Variants in CCDC77 observed in about 807,000 individuals in gnomAD.
CCDC77 encodes coiled-coil domain-containing protein 77.
A neutral mutation model predicts 66.8 loss-of-function variants in CCDC77; 56 were observed. The observed-to-expected ratio is 0.84, with a 90% CI of 0.68 to 1.05. CCDC77 has a LOEUF of 1.05. Among genes scored for constraint, CCDC77 ranks in the 50% least tolerant of loss-of-function variants. The probability of loss-of-function intolerance (pLI) is 0.00; values close to 1 mark genes in which losing one functional copy is unlikely to be tolerated. For missense variants in CCDC77, 570 were observed against 576.8 expected (o/e 0.99, Z 0.12); for synonymous variants, 196 against 195.2 (o/e 1.00, Z -0.03).
chr12:395,478 C>T (rs1057022855), intron 1 of CCDC77, among the ~76,000 whole-genome samples: 2 of 152,112 alleles, frequency 1.3e-5, no homozygotes, highest in Non-Finnish European at 2.9e-5. Flanking sequence ...TTACAGCTAG[C>T]CTTCCATATA....
At chr12:410,489 A>T (rs915477443) in intron 3 of CCDC77, among the ~76,000 whole-genome samples, 11 of 148,970 alleles carry the variant, frequency 7.4e-5, no homozygotes, top group African/African-American at 2.7e-4. Flanking sequence ...GTTGGTCTTG[A>T]ACTCCTGACC....
At chr12:439,688 G>A (rs1472895957) in intron 10 of CCDC77, among the ~76,000 whole-genome samples, 1 of 151,820 alleles carries the variant, frequency 6.6e-6, no homozygotes, top group African/African-American at 2.4e-5. Flanking sequence ...GCTGAGGCAG[G>A]AGAATTGCTT....
intron 2 of CCDC77, among the ~76,000 whole-genome samples, chr12:408,895 G>A (rs1209484396): frequency 6.6e-6 from 1 of 152,078 alleles, no homozygotes; most frequent in Non-Finnish European, 1.5e-5. Context: ...TTCAGGATTT[G>A]GAGATACTTT....
At chr12:418,727 T>G in intron 5 of CCDC77, 91 bp downstream of exon 5, 1 of 1,394,410 alleles carries the variant, frequency 7.2e-7, no homozygotes, top group Non-Finnish European at 1.0e-6. Context: ...TTAGAGGCAG[T>G]ATCACTCTAT....
chr12:411,719 T>A (rs562220233), intron 3 of CCDC77, 28 bp from the exon 4 acceptor site: 1 of 1,573,630 alleles, frequency 6.4e-7, no homozygotes, highest in African/African-American at 1.4e-5. Context: ...CAGAGTGTGA[T>A]GAATATATCA....
At position 419,000 on chromosome 12, in the gene CCDC77, T is replaced by G. The variant is rs554112465; in HGVS notation, c.413+364T>G. On this transcript the variant is annotated intron_variant, in intron 5 of 12. Coordinates refer to ENST00000239830, the MANE Select transcript of CCDC77 (RefSeq NM_032358.4). Reference sequence around the variant, plus strand: ...AAGCGTGAACCACCATGCCCAGCCCTTTAAATTACTTTTAAAAAGATACAT... The same window carrying G: ...AAGCGTGAACCACCATGCCCAGCCCGTTAAATTACTTTTAAAAAGATACAT... 192 of 182,350 alleles carry G rather than the reference T, an allele frequency of 1.1e-3. 1 individual carries two copies. Among genetic ancestry groups the G allele is most frequent in the Non-Finnish European group, 1.6e-3 (140 of 85,838 alleles). The allele number at this position is 182,350 out of a possible 1,614,324, so 11.3% of individuals were successfully genotyped here. A position where few individuals can be genotyped will look rare whatever the true frequency, so the allele number is the denominator to read the frequency against.
At chr12:407,548 A>G (rs1945018907) in intron 2 of CCDC77, among the ~76,000 whole-genome samples, 1 of 152,130 alleles carries the variant, frequency 6.6e-6, no homozygotes, top group African/African-American at 2.4e-5. Flanking sequence ...ACTAATGTGC[A>G]CATGCTATTT....
rs1945209700 is a variant in CCDC77 at position 415,328 on chromosome 12, A to ATAATATTATGTTAATATAATTAACG, written c.271-3146_271-3145insTAACGTAATATTATGTTAATATAAT. On this transcript the variant is annotated intron_variant, in intron 4 of 12. Transcript: ENST00000239830. ...ATAATATTATGTTAATATAATCAACATAATATTATGTTAATATAATCAACA... is the reference window on the plus strand; with the variant it reads ...ATAATATTATGTTAATATAATCAACATAATATTATGTTAATATAATTAACGTAATATTATGTTAATATAATCAACA... Among the ~76,000 whole-genome samples, 5 of 90,486 alleles carry ATAATATTATGTTAATATAATTAACG rather than the reference A, an allele frequency of 5.5e-5. 1 individual carries two copies. Among genetic ancestry groups the ATAATATTATGTTAATATAATTAACG allele is most frequent in the Middle Eastern group, 0.011 (2 of 186 alleles). 59.4% of individuals were successfully genotyped at this position (90,486 alleles called of 152,430 possible).
At chr12:416,386 T>TAC (rs1372463305) in intron 4 of CCDC77, among the ~76,000 whole-genome samples, 2 of 33,626 alleles carry the variant, frequency 5.9e-5, no homozygotes, top group African/African-American at 3.1e-4. Flanking sequence ...TGTATATATA[T>TAC]ATATATATAT....
intron 8 of CCDC77, 83 bp from the exon 9 acceptor site, chr12:433,091 T>C: frequency 7.1e-7 from 1 of 1,401,542 alleles, no homozygotes; most frequent in Non-Finnish European, 9.7e-7. Flanking sequence ...TTTTAATTTT[T>C]CTGGAGAAAG....
intron 4 of CCDC77, among the ~76,000 whole-genome samples, chr12:416,359 G>GTATA (rs1945268062): frequency 2.3e-5 from 1 of 43,534 alleles, no homozygotes; most frequent in African/African-American, 9.0e-5. Context: ...GTGTGTGTGT[G>GTATA]TGTGTGTGTG....
In CCDC77 at chr12:440,657, A is replaced by G. The variant is rs772742938; in HGVS notation, c.1082A>G (p.Asn361Ser). ...DKLVQEKKLS[N>S]MYQEQCISLE... ...TTAGTACAAGAGAAAAAGCTGTCCA[A>G]TATGTACCAAGAGCAGTGCATTTCC... The change falls in exon 11 of 13, where the codon AAT becomes AGT. Residue 361 changes from asparagine (N) to serine (S), a missense_variant. Transcript: ENST00000239830. 9 of 1,614,082 alleles carry G rather than the reference A, an allele frequency of 5.6e-6. No individual in the cohort carries two copies. The South Asian group carries it at 6.6e-5, about 12-fold the overall frequency.
intron 9 of CCDC77, among the ~76,000 whole-genome samples, chr12:436,166 G>A (rs1429295392): frequency 7.4e-6 from 1 of 135,124 alleles, no homozygotes; most frequent in Non-Finnish European, 1.5e-5. Flanking sequence ...CGTCCAGGCT[G>A]GAGTGCAGTG....
intron 1 of CCDC77, among the ~76,000 whole-genome samples, chr12:390,388 T>G (rs1386967051): frequency 6.6e-6 from 1 of 152,216 alleles, no homozygotes; most frequent in African/African-American, 2.4e-5. Flanking sequence ...GCTGCTTTGC[T>G]CTCCAGCTTC....
At position 418,581 on chromosome 12, in the gene CCDC77, C is replaced by T. The variant is rs771235323; in HGVS notation, c.358C>T (p.Gln120Ter). The change falls in exon 5 of 13, where the codon CAG (glutamine) becomes TAG (stop). Residue 120 changes from glutamine to a stop codon, truncating the protein, a stop_gained. Coordinates refer to ENST00000239830, the MANE Select transcript of CCDC77 (RefSeq NM_032358.4). LOFTEE classifies it high-confidence loss of function. ...ALSDMQVCLF[Q>*]EREHVLRLYS... ...AAGTGATATGCAGGTCTGCCTCTTCCAGGAACGGGAACATGTTTTACGCCT... is the reference window on the plus strand; with the variant it reads ...AAGTGATATGCAGGTCTGCCTCTTCTAGGAACGGGAACATGTTTTACGCCT... 2.5e-5 allele frequency: 41 copies of T among 1,613,996 alleles called. No homozygotes were observed. In the Admixed American group the frequency reaches 6.7e-4, roughly 26 times the overall value.
intron 1 of CCDC77, among the ~76,000 whole-genome samples, chr12:395,413 C>T (rs998513873): frequency 3.3e-5 from 5 of 152,096 alleles, no homozygotes; most frequent in African/African-American, 4.8e-5. Flanking sequence ...TGAATAGAGG[C>T]TACTTTATAA....
intron 4 of CCDC77, among the ~76,000 whole-genome samples, chr12:414,191 A>G (rs576472087): frequency 6.6e-6 from 1 of 151,056 alleles, no homozygotes; most frequent in Non-Finnish European, 1.5e-5. Context: ...TCCCGGGTTC[A>G]AACGATTCTC....
At chr12:439,394 C>T (rs575190408) in intron 10 of CCDC77, among the ~76,000 whole-genome samples, 191 of 151,904 alleles carry the variant, frequency 1.3e-3, no homozygotes, top group African/African-American at 4.4e-3. Flanking sequence ...GTGGTGGGCA[C>T]CTGTAATCCC....
chr12:391,398 TA>T (rs1279945662), intron 1 of CCDC77, among the ~76,000 whole-genome samples: 1 of 151,750 alleles, frequency 6.6e-6, no homozygotes, highest in Non-Finnish European at 1.5e-5. Context: ...GAAGTTGTAG[TA>T]AGCCGAGATC....
Sources: gnomAD v4.1 joint callset for allele counts (sites outside exome capture counted in the v4.1 genomes callset) on GRCh38, gnomAD v4.1.1 for gene constraint, MANE v1.5 for transcripts, NCBI Gene and HGNC (gene_info 2026-07-23, HGNC 2026-07-21) for gene names.